The following KIRREL3 variants were observed in gnomAD, a reference collection of about 807,000 sequenced individuals.
KIRREL3 encodes the protein kin of IRRE-like protein 3.
KIRREL3 carries 36 observed loss-of-function variants against 89.7 expected under a neutral mutation model. The ratio of observed to expected loss-of-function variants is 0.40; its 90% CI spans 0.31 to 0.53. The LOEUF (loss-of-function observed/expected upper bound fraction) is 0.53, where lower values mean the gene tolerates loss of function less well. Ranked by LOEUF, KIRREL3 falls within the 20% of genes least tolerant of loss-of-function variation. KIRREL3 has a pLI of 0.49. For synonymous variants in KIRREL3, 445 were observed against 441.4 expected (o/e 1.01, Z -0.10); for missense variants, 864 against 1,056.6 (o/e 0.82, Z 2.53).
intron 1 of KIRREL3, among the ~76,000 whole-genome samples, chr11:126,958,787 T>C (rs942612837): frequency 6.6e-6 from 1 of 152,224 alleles, no homozygotes; most frequent in Non-Finnish European, 1.5e-5. Context: ...TACTTTTTAA[T>C]ACTTTCTTAG....
chr11:126,611,399 A>G lies in KIRREL3; in HGVS notation c.56-48487T>C, dbSNP rs1943121868. ...TCACTCTTTGAGGGTGGTCTTTCTG[A>G]TTGATCCATCAGTCTGCATTCTCCT... On this transcript the variant is annotated intron_variant, in intron 1 of 16. Transcript: ENST00000525144. The surrounding 1 kb of genome is among the most constrained non-coding windows in gnomAD (Gnocchi z 4.7). Among the ~76,000 whole-genome samples, 1 of 152,010 alleles carries G rather than the reference A, an allele frequency of 6.6e-6. No individual in the cohort carries two copies. Among genetic ancestry groups the G allele is most frequent in the African/African-American group, 2.4e-5 (1 of 41,394 alleles).
chr11:126,675,905 G>A (rs778012789), intron 1 of KIRREL3, among the ~76,000 whole-genome samples: 95 of 152,182 alleles, frequency 6.2e-4, no homozygotes, highest in Non-Finnish European at 1.2e-3. Flanking sequence ...AGAAGAGGAA[G>A]CTGTTTAATA....
Position 126,463,877 on chromosome 11 carries a change from C to T in KIRREL3, c.592-570G>A, listed in dbSNP as rs1262040489. On this transcript the variant is annotated intron_variant, in intron 5 of 16. Coordinates refer to ENST00000525144, the MANE Select transcript of KIRREL3 (RefSeq NM_032531.4). This position sits in a 1 kb window ranked among gnomAD's most constrained non-coding sequence, Gnocchi z 5.9. ...TTCAACTTTCCAAAGCGTTTCACTC[C>T]CTGATCTCATTAGAGTCTCAATCAA... 6.6e-6 allele frequency among the ~76,000 whole-genome samples: 1 copy of T among 152,152 alleles called. No homozygotes were observed. The highest frequency in any genetic ancestry group is 6.5e-5 in the Admixed American group (1 of 15,272).
chr11:126,649,794 C>T (rs1944838351), intron 1 of KIRREL3, among the ~76,000 whole-genome samples: 4 of 152,244 alleles, frequency 2.6e-5, no homozygotes, highest in African/African-American at 9.6e-5. Context: ...CGATGGCCCT[C>T]CTCTCACAGC....
At position 126,763,791 on chromosome 11, in the gene KIRREL3, C is replaced by T. The variant is rs77120422; in HGVS notation, c.56-200879G>A. 8.1e-3 allele frequency among the ~76,000 whole-genome samples: 1,238 copies of T among 152,308 alleles called. 13 individuals carry two copies. Among genetic ancestry groups the T allele is most frequent in the South Asian group, 0.025 (119 of 4,820 alleles). The stretch of plus-strand genomic sequence containing the variant: ...GCTTGTCCACAAAGCACTTGACACA[C>T]AGTAGGCACTGAGTAAATTCTAGCT... On this transcript the variant is annotated intron_variant, in intron 1 of 16. Coordinates refer to ENST00000525144, the MANE Select transcript of KIRREL3 (RefSeq NM_032531.4). The surrounding 1 kb of genome is among the most constrained non-coding windows in gnomAD (Gnocchi z 4.7).
In KIRREL3 at chr11:126,953,882, G is replaced by A. The variant is rs1026748085; in HGVS notation, c.55+46573C>T. 1.1e-4 allele frequency among the ~76,000 whole-genome samples: 16 copies of A among 152,124 alleles called. No individual in the cohort carries two copies. Among genetic ancestry groups the A allele is most frequent in the African/African-American group, 2.2e-4 (9 of 41,522 alleles). On this transcript the variant is annotated intron_variant, in intron 1 of 16. Transcript: ENST00000525144. The surrounding 1 kb of genome is among the most constrained non-coding windows in gnomAD (Gnocchi z 5.2). ...TTGGGTTTTTCTCTGCCTACCACCC[G>A]CTTATTTATGTTAATCTGATTTAGA... is the stretch of plus-strand genomic sequence containing the variant.
At chr11:126,663,181 G>GTTTT (rs1177712221) in intron 1 of KIRREL3, among the ~76,000 whole-genome samples, 1 of 107,656 alleles carries the variant, frequency 9.3e-6, no homozygotes, top group Non-Finnish European at 2.0e-5. Flanking sequence ...ATCATGTCTG[G>GTTTT]CTTTTTTTTT....
intron 1 of KIRREL3, among the ~76,000 whole-genome samples, chr11:126,809,247 A>C (rs1951303374): frequency 6.6e-6 from 1 of 152,210 alleles, no homozygotes; most frequent in Non-Finnish European, 1.5e-5. Flanking sequence ...GAAATTGGGC[A>C]GGAGTCTGAA....
chr11:126,504,319 C>T (rs1957954962), intron 4 of KIRREL3, among the ~76,000 whole-genome samples: 1 of 152,176 alleles, frequency 6.6e-6, no homozygotes, highest in Admixed American at 6.5e-5. Context: ...TCTTCTCAAC[C>T]TAGCAGCCAG....
intron 1 of KIRREL3, among the ~76,000 whole-genome samples, chr11:126,873,369 C>A (rs1432452995): frequency 6.6e-6 from 1 of 152,130 alleles, no homozygotes; most frequent in Admixed American, 6.5e-5. Flanking sequence ...TCAGGCCAAA[C>A]AAGACATTCA....
chr11:126,549,542 T>G (rs1369991283), intron 2 of KIRREL3: 1 of 152,206 alleles, frequency 6.6e-6, no homozygotes, highest in Non-Finnish European at 1.5e-5. Context: ...CGCAAGCCAT[T>G]AAGCGCCTTC....
chr11:126,788,703 C>T lies in KIRREL3; in HGVS notation c.55+211752G>A, dbSNP rs1484145905. ...CACATTATAGACCACAAAGGCCCTA[C>T]AATTGCTATCAAAGGAACTGATTGT... On this transcript the variant is annotated intron_variant, in intron 1 of 16. Coordinates refer to ENST00000525144, the MANE Select transcript of KIRREL3 (RefSeq NM_032531.4). This position sits in a 1 kb window ranked among gnomAD's most constrained non-coding sequence, Gnocchi z 4.1. 2.0e-5 allele frequency among the ~76,000 whole-genome samples: 3 copies of T among 152,144 alleles called. No homozygotes were observed. Among genetic ancestry groups the T allele is most frequent in the East Asian group, 1.9e-4 (1 of 5,182 alleles).
At position 126,456,057 on chromosome 11, in the gene KIRREL3, T is replaced by TTTTTTTTTCC. The variant is rs147218473; in HGVS notation, c.848+291_848+292insGGAAAAAAAA. ...TGTTTTCGTTTTTTTTTTTTTTTTTTCCTGAGCCTTTTCCCCATGTTTGGA... is the reference window on the plus strand; with the variant it reads ...TGTTTTCGTTTTTTTTTTTTTTTTTTTTTTTTTTCCCCTGAGCCTTTTCCCCATGTTTGGA... On this transcript the variant is annotated intron_variant, in intron 7 of 16. Coordinates refer to ENST00000525144, the MANE Select transcript of KIRREL3 (RefSeq NM_032531.4). Among the ~76,000 whole-genome samples, 62 of 109,798 alleles carry TTTTTTTTTCC rather than the reference T, an allele frequency of 5.6e-4. 1 individual carries two copies. Among genetic ancestry groups the TTTTTTTTTCC allele is most frequent in the Non-Finnish European group, 9.5e-4 (54 of 56,626 alleles). The allele number at this position is 109,798 out of a possible 152,430, so 72.0% of individuals were successfully genotyped here.
rs11220563 is a variant in KIRREL3 at position 126,627,908 on chromosome 11, G to T, written c.56-64996C>A. 0.15 allele frequency among the ~76,000 whole-genome samples: 22,840 copies of T among 152,182 alleles called. 1,781 individuals carry two copies. Among genetic ancestry groups the T allele is most frequent in the East Asian group, 0.32 (1,659 of 5,158 alleles). ...GTGTGGGCAGGAAAACAGCCCAGGA[G>T]TTGGGAGACCCACATCTTCATTCTG... On this transcript the variant is annotated intron_variant, in intron 1 of 16. Transcript: ENST00000525144. This position sits in a 1 kb window ranked among gnomAD's most constrained non-coding sequence, Gnocchi z 5.0.
At position 126,721,368 on chromosome 11, in the gene KIRREL3, T is replaced by TA. The variant is rs1948163374; in HGVS notation, c.56-158457dup. Among the ~76,000 whole-genome samples, 4 of 151,850 alleles carry TA rather than the reference T, an allele frequency of 2.6e-5. No individual in the cohort carries two copies. The South Asian group carries it at 8.3e-4, about 32-fold the overall frequency. Reference sequence around the variant, plus strand: ...CAACATGGAGAAACCCCGTCTCTATTAAAAATACAAAATTAGCTGGGTATA... The same window carrying TA: ...CAACATGGAGAAACCCCGTCTCTATTAAAAAATACAAAATTAGCTGGGTATA... On this transcript the variant is annotated intron_variant, in intron 1 of 16. Transcript: ENST00000525144.
In KIRREL3 at chr11:126,609,515, TG is replaced by T. The variant is rs1357065822; in HGVS notation, c.56-46604del. On this transcript the variant is annotated intron_variant, in intron 1 of 16. Transcript: ENST00000525144. This position sits in a 1 kb window ranked among gnomAD's most constrained non-coding sequence, Gnocchi z 5.0. ...GAGGCTTCGTGAAAGGTTAAGTGGGTGGGGGACCTGCTGGGAGAGAGGGGCA... is the reference window on the plus strand; with the variant it reads ...GAGGCTTCGTGAAAGGTTAAGTGGGTGGGGACCTGCTGGGAGAGAGGGGCA... 6.6e-6 allele frequency among the ~76,000 whole-genome samples: 1 copy of T among 151,866 alleles called. No individual in the cohort carries two copies. Among genetic ancestry groups the T allele is most frequent in the Non-Finnish European group, 1.5e-5 (1 of 67,982 alleles).
Position 126,553,039 on chromosome 11 carries a change from A to G in KIRREL3, c.133+9796T>C, listed in dbSNP as rs1280005215. ...TCTAGTGGGGACACTAGTACCACTC[A>G]TGGTGTGTGTGAGCACACTCGTGAA... On this transcript the variant is annotated intron_variant, in intron 2 of 16. Coordinates refer to ENST00000525144, the MANE Select transcript of KIRREL3 (RefSeq NM_032531.4). The surrounding 1 kb of genome is among the most constrained non-coding windows in gnomAD (Gnocchi z 4.7). 1.3e-5 allele frequency among the ~76,000 whole-genome samples: 2 copies of G among 152,224 alleles called. No homozygotes were observed. The highest frequency in any genetic ancestry group is 2.1e-4 in the South Asian group (1 of 4,834).
intron 4 of KIRREL3, among the ~76,000 whole-genome samples, chr11:126,478,082 C>T (rs1282729220): frequency 6.6e-6 from 1 of 152,238 alleles, no homozygotes; most frequent in Non-Finnish European, 1.5e-5. Context: ...TCTGTTCCAA[C>T]CACTCCTTAC....
rs1956469890 is a variant in KIRREL3 at position 126,459,203 on chromosome 11, T to G, written c.743-2749A>C. ...AGGCTCAAGGGACCCGCCACAGAAC[T>G]TGGGGGGCTGTTCCAGGAGGCCCTT... On this transcript the variant is annotated intron_variant, in intron 6 of 16. Transcript: ENST00000525144. This position sits in a 1 kb window ranked among gnomAD's most constrained non-coding sequence, Gnocchi z 4.8. Among the ~76,000 whole-genome samples the G allele has an allele frequency of 6.6e-6, 1 of 152,116 alleles. No individual in the cohort carries two copies. Among genetic ancestry groups the G allele is most frequent in the African/African-American group, 2.4e-5 (1 of 41,436 alleles).
Sources: gnomAD v4.1 joint callset for allele counts (sites outside exome capture counted in the v4.1 genomes callset) on GRCh38, gnomAD v4.1.1 for gene constraint, Gnocchi (gnomAD v3.1) non-coding constraint, MANE v1.5 for transcripts, NCBI Gene and HGNC (gene_info 2026-07-23, HGNC 2026-07-21) for gene names.